The following LRIG1 variants were observed in gnomAD, a reference collection of about 807,000 sequenced individuals.
LRIG1 encodes leucine rich repeats and immunoglobulin like domains 1.
In LRIG1, 48 loss-of-function variants were observed where a neutral mutation model predicts 99.2. That is an observed-to-expected ratio of 0.48 (90% CI 0.38 to 0.62). The LOEUF (loss-of-function observed/expected upper bound fraction) is 0.62. Ranked by LOEUF, LRIG1 falls within the 20% of genes least tolerant of loss-of-function variation. The pLI is 0.00. For missense variants in LRIG1, 1,646 were observed against 1,434.4 expected (o/e 1.15, Z -2.38); for synonymous variants, 772 against 596.1 (o/e 1.29, Z -4.30).
intron 1 of LRIG1, chr3:66,469,254 A>G (rs953540652): frequency 6.6e-6 from 1 of 152,224 alleles, no homozygotes; most frequent in African/African-American, 2.4e-5. Flanking sequence ...AGATCTCAAC[A>G]TGATACAAAT....
rs1375142143 is a variant in LRIG1 at position 66,465,489 on chromosome 3, G to C, written c.219-2980C>G. Among the ~76,000 whole-genome samples the C allele has an allele frequency of 2.7e-5, 4 of 148,388 alleles. No homozygotes were observed. The East Asian group carries it at 8.0e-4, about 30-fold the overall frequency. The stretch of plus-strand genomic sequence containing the variant: ...AGCAATTCTCCTACCTCAGCCTCCA[G>C]AGTAGCTGGGATTACAGGTGCCTGC... On this transcript the variant is annotated intron_variant, in intron 1 of 18. Coordinates refer to ENST00000273261, the MANE Select transcript of LRIG1 (RefSeq NM_015541.3).
intron 1 of LRIG1, among the ~76,000 whole-genome samples, chr3:66,463,957 C>T (rs1251688201): frequency 1.3e-5 from 2 of 152,126 alleles, no homozygotes; most frequent in Non-Finnish European, 2.9e-5. Flanking sequence ...GATTATGTTA[C>T]CATAAAGACT....
At chr3:66,435,054 G>A (rs13083066) in intron 3 of LRIG1, among the ~76,000 whole-genome samples, 26,778 of 137,720 alleles carry the variant, frequency 0.19, 2,463 homozygotes, top group Admixed American at 0.28. Context: ...GTCCTTCATC[G>A]GGTGAATGGT....
At chr3:66,460,984 T>C (rs1295982445) in intron 2 of LRIG1, among the ~76,000 whole-genome samples, 1 of 152,250 alleles carries the variant, frequency 6.6e-6, no homozygotes, top group Non-Finnish European at 1.5e-5. Context: ...AATTAAAATT[T>C]CTTTAGATAT....
chr3:66,462,887 A>C (rs1700387824), intron 1 of LRIG1, among the ~76,000 whole-genome samples: 1 of 152,138 alleles, frequency 6.6e-6, no homozygotes, highest in Non-Finnish European at 1.5e-5. Flanking sequence ...TTAATGTTTT[A>C]GTAGCATCAA....
At chr3:66,457,891 C>T (rs898875193) in intron 2 of LRIG1, among the ~76,000 whole-genome samples, 11 of 152,164 alleles carry the variant, frequency 7.2e-5, no homozygotes, top group African/African-American at 2.7e-4. Flanking sequence ...TCAAGTTCTA[C>T]CACTCACTAA....
intron 7 of LRIG1, among the ~76,000 whole-genome samples, chr3:66,408,943 T>TGTGTGTGC (rs1702369047): frequency 9.4e-6 from 1 of 106,612 alleles, no homozygotes; most frequent in African/African-American, 3.8e-5. Context: ...TGTGTGTGTG[T>TGTGTGTGC]GTGTGTGTGT....
At chr3:66,429,461 T>C (rs1049607444) in intron 3 of LRIG1, among the ~76,000 whole-genome samples, 4 of 152,232 alleles carry the variant, frequency 2.6e-5, no homozygotes, top group African/African-American at 4.8e-5. Context: ...GAGTAAAAGA[T>C]GCCCATCTGA....
intron 1 of LRIG1, among the ~76,000 whole-genome samples, chr3:66,492,834 G>T (rs930010249): frequency 2.6e-5 from 4 of 152,144 alleles, no homozygotes; most frequent in Admixed American, 6.5e-5. Context: ...GAAAACAATC[G>T]TGGCCGTTCA....
chr3:66,467,597 G>A lies in LRIG1; in HGVS notation c.219-5088C>T, dbSNP rs142991360. Among the ~76,000 whole-genome samples, 382 of 152,098 alleles carry A rather than the reference G, an allele frequency of 2.5e-3. 3 individuals are homozygous for A. The highest frequency in any genetic ancestry group is 0.02 in the East Asian group (106 of 5,178). The stretch of plus-strand genomic sequence containing the variant: ...AGGATGGTCTTGATCTCCTGACCTC[G>A]TGATGTGCCCGCCTCGGCCTCCCAA... On this transcript the variant is annotated intron_variant, in intron 1 of 18. Coordinates refer to ENST00000273261, the MANE Select transcript of LRIG1 (RefSeq NM_015541.3).
intron 9 of LRIG1, chr3:66,404,254 T>A (rs1432737219): frequency 2.3e-6 from 3 of 1,289,314 alleles, no homozygotes; most frequent in East Asian, 1.1e-4. Context: ...TCCTCTATCA[T>A]CGAGCTCCAC....
rs998221883 is a variant in LRIG1, at chr3:66,414,267, G to T, written c.647+653C>A. On this transcript the variant is annotated intron_variant, in intron 5 of 18. Coordinates refer to ENST00000273261, the MANE Select transcript of LRIG1 (RefSeq NM_015541.3). Reference sequence around the variant, plus strand: ...AAAAAATTAGCCAGGCATGGTGGTGGGTGCCTGTAGTCCCAGCTGCTCTGG... The same window carrying T: ...AAAAAATTAGCCAGGCATGGTGGTGTGTGCCTGTAGTCCCAGCTGCTCTGG... 6.6e-5 allele frequency among the ~76,000 whole-genome samples: 10 copies of T among 152,142 alleles called. No individual in the cohort carries two copies. In the East Asian group the frequency reaches 1.5e-3, roughly 24 times the overall value.
At chr3:66,489,336 C>A (rs750478997) in intron 1 of LRIG1, among the ~76,000 whole-genome samples, 2 of 152,170 alleles carry the variant, frequency 1.3e-5, no homozygotes, top group African/African-American at 2.4e-5. Context: ...CCAGTCTGGG[C>A]AACACAGCAA....
intron 1 of LRIG1, among the ~76,000 whole-genome samples, chr3:66,482,694 T>C (rs1700878449): frequency 6.6e-6 from 1 of 152,228 alleles, no homozygotes; most frequent in Non-Finnish European, 1.5e-5. Context: ...TGCATAAGGA[T>C]GTCTATCAAA....
chr3:66,399,515 G>A (rs1701978476), intron 9 of LRIG1, among the ~76,000 whole-genome samples: 1 of 152,208 alleles, frequency 6.6e-6, no homozygotes, highest in African/African-American at 2.4e-5. Context: ...GCTCACACCT[G>A]TAATCCCAGC....
intron 1 of LRIG1, among the ~76,000 whole-genome samples, chr3:66,468,351 A>AC (rs551101407): frequency 4.6e-5 from 7 of 152,162 alleles, no homozygotes; most frequent in African/African-American, 1.4e-4. Flanking sequence ...GAGGAGCGCA[A>AC]CCCATGGCTC....
intron 9 of LRIG1, among the ~76,000 whole-genome samples, chr3:66,402,486 G>A (rs543368570): frequency 9.2e-5 from 14 of 152,298 alleles, no homozygotes; most frequent in African/African-American, 1.4e-4. Flanking sequence ...CAGAGAGGCC[G>A]TTTATGGCTC....
At position 66,386,064 on chromosome 3, in the gene LRIG1, A is replaced by C. The variant is rs765547880; in HGVS notation, c.1706T>G (p.Phe569Cys). 1.9e-6 allele frequency: 3 copies of C among 1,614,204 alleles called. No homozygotes were observed. Among genetic ancestry groups the C allele is most frequent in the Non-Finnish European group, 1.7e-6 (2 of 1,180,036 alleles). The change falls in exon 13 of 19, where the codon TTC (phenylalanine) becomes TGC (cysteine). Residue 569 changes from phenylalanine (F) to cysteine (C), a missense_variant. Physicochemically the swap from Phe to Cys is radical, Grantham distance 205. Transcript: ENST00000273261. ...ACATTGGTAGCGGCCCTCGTGCCCGAAAGTGACCTGACGGAGGTGCAGGAT... is the reference window on the plus strand; with the variant it reads ...ACATTGGTAGCGGCCCTCGTGCCCGCAAGTGACCTGACGGAGGTGCAGGAT... ...TTILHLRQVTFGHEGRYQCVI... is the reference protein window; with the variant it reads ...TTILHLRQVTCGHEGRYQCVI...
intron 3 of LRIG1, among the ~76,000 whole-genome samples, chr3:66,418,926 C>T (rs762440571): frequency 3.9e-5 from 6 of 152,148 alleles, no homozygotes; most frequent in Non-Finnish European, 7.3e-5. Context: ...TCCTCCCCAG[C>T]CCCCAAAGCC....
Sources: allele counts gnomAD v4.1 joint callset (sites outside exome capture counted in the v4.1 genomes callset), GRCh38; gene constraint gnomAD v4.1.1; transcripts MANE v1.5; gene names NCBI Gene and HGNC (gene_info 2026-07-23, HGNC 2026-07-21).